The following SPATA13 variants were observed in gnomAD, a reference collection of about 807,000 sequenced individuals.
The protein encoded by SPATA13 is spermatogenesis associated 13.
In SPATA13, 50 loss-of-function variants were observed where a neutral mutation model predicts 104.0. That is an observed-to-expected ratio of 0.48 (90% CI 0.38 to 0.61). The LOEUF is 0.61. SPATA13 is among the 20% of genes least tolerant of loss of function. SPATA13 has a pLI of 0.00. For synonymous variants in SPATA13, 606 were observed against 667.5 expected (o/e 0.91, Z 1.42); for missense variants, 1,524 against 1,690.6 (o/e 0.90, Z 1.73).
chr13:24,092,199 T>A (rs1473901161), intron 3 of SPATA13, among the ~76,000 whole-genome samples: 2 of 152,232 alleles, frequency 1.3e-5, no homozygotes, highest in Non-Finnish European at 2.9e-5. Flanking sequence ...TCTCCAATGT[T>A]GATCTTTTAA....
intron 3 of SPATA13, among the ~76,000 whole-genome samples, chr13:24,140,089 C>T (rs1311779715): frequency 6.6e-6 from 1 of 150,632 alleles, no homozygotes; most frequent in African/African-American, 2.5e-5. Flanking sequence ...AAAAAAAAGT[C>T]TGTAACATGC....
At chr13:24,038,963 T>C (rs1877817644) in intron 3 of SPATA13, among the ~76,000 whole-genome samples, 1 of 152,210 alleles carries the variant, frequency 6.6e-6, no homozygotes, top group Non-Finnish European at 1.5e-5. Flanking sequence ...CAGGCAGCCC[T>C]GTGACACAGG....
intron 1 of SPATA13, among the ~76,000 whole-genome samples, chr13:24,203,069 C>T (rs1464889860): frequency 6.6e-6 from 1 of 152,050 alleles, no homozygotes; most frequent in Non-Finnish European, 1.5e-5. Flanking sequence ...TGCAGATCAT[C>T]CCATCCCTAG....
intron 3 of SPATA13, chr13:24,123,350 G>A (rs1352422122): frequency 6.8e-6 from 9 of 1,320,424 alleles, no homozygotes; most frequent in Non-Finnish European, 1.1e-6. Flanking sequence ...TCACTTCACA[G>A]AAATAGTGAA....
intron 3 of SPATA13, among the ~76,000 whole-genome samples, chr13:24,027,641 T>C (rs1396304686): frequency 3.3e-5 from 5 of 152,264 alleles, no homozygotes; most frequent in East Asian, 1.9e-4. Context: ...AGTTCATTAA[T>C]GTTCAGTTCT....
chr13:24,281,235 A>C (rs777270493), intron 4 of SPATA13, among the ~76,000 whole-genome samples: 4 of 151,300 alleles, frequency 2.6e-5, no homozygotes, highest in Non-Finnish European at 5.9e-5. Context: ...CCGGGAATTT[A>C]CTCCTCCCCC....
At chr13:24,037,402 C>G (rs9580832) in intron 3 of SPATA13, among the ~76,000 whole-genome samples, 52 of 5,032 alleles carry the variant, frequency 0.01, no homozygotes, top group African/African-American at 0.033. Flanking sequence ...TCGACTAATA[C>G]TTTATTTATT....
At chr13:24,210,126 CTTTG>C (rs1009812174) in intron 1 of SPATA13, among the ~76,000 whole-genome samples, 2 of 151,970 alleles carry the variant, frequency 1.3e-5, no homozygotes, top group Non-Finnish European at 2.9e-5. Context: ...TTATTGAGGG[CTTTG>C]TTTGTTTTTG....
chr13:24,255,870 T>G (rs990324358), intron 4 of SPATA13, among the ~76,000 whole-genome samples: 2 of 152,238 alleles, frequency 1.3e-5, no homozygotes, highest in Non-Finnish European at 2.9e-5. Flanking sequence ...AGCATCATTT[T>G]GAGACACGTT....
intron 3 of SPATA13, chr13:24,122,949 G>A (rs558864081): frequency 5.2e-5 from 41 of 781,276 alleles, no homozygotes; most frequent in African/African-American, 2.0e-4. Flanking sequence ...ACTAAGAAGC[G>A]TGTCAGGTGT....
At chr13:24,041,165 C>A (rs1877912567) in intron 3 of SPATA13, among the ~76,000 whole-genome samples, 1 of 152,194 alleles carries the variant, frequency 6.6e-6, no homozygotes, top group Non-Finnish European at 1.5e-5. Context: ...CTTGATTCAA[C>A]CCACAGTAGC....
upstream of SPATA13, among the ~76,000 whole-genome samples, chr13:24,159,042 AT>A (rs1566125340): frequency 6.6e-6 from 1 of 152,168 alleles, no homozygotes; most frequent in Non-Finnish European, 1.5e-5. Context: ...TTGAAACACA[AT>A]TTTTTTAAAA....
intron 3 of SPATA13, chr13:24,017,789 G>GCA: frequency 9.3e-6 from 7 of 750,324 alleles, no homozygotes; most frequent in African/African-American, 1.9e-5. Flanking sequence ...TGTATAATCT[G>GCA]TATGTTAACT....
chr13:24,017,230 C>T (rs1021926575), intron 2 of SPATA13, among the ~76,000 whole-genome samples: 3 of 152,220 alleles, frequency 2.0e-5, no homozygotes, highest in Non-Finnish European at 2.9e-5. Context: ...TGCTCTGAGA[C>T]GATAACTCAG....
chr13:24,070,764 A>G (rs1048397917), intron 3 of SPATA13, among the ~76,000 whole-genome samples: 9 of 152,214 alleles, frequency 5.9e-5, no homozygotes, highest in African/African-American at 2.2e-4. Flanking sequence ...CCCTCCCCCA[A>G]GTAATGAAGA....
At chr13:24,046,580 A>T in intron 3 of SPATA13, among the ~76,000 whole-genome samples, 1 of 129,854 alleles carries the variant, frequency 7.7e-6, no homozygotes, top group Non-Finnish European at 1.7e-5. Context: ...TTCACTCAAT[A>T]TGTTTGCAAG....
intron 1 of SPATA13, among the ~76,000 whole-genome samples, chr13:24,185,045 T>A (rs1378688579): frequency 1.3e-5 from 2 of 152,162 alleles, no homozygotes; most frequent in Non-Finnish European, 2.9e-5. Context: ...TCGAGCATTG[T>A]GTTTTGCTTC....
intron 3 of SPATA13, among the ~76,000 whole-genome samples, chr13:24,116,156 G>A (rs1880829420): frequency 6.6e-6 from 1 of 152,204 alleles, no homozygotes; most frequent in Non-Finnish European, 1.5e-5. Context: ...ATTTCCCACA[G>A]TTCTGTAGGC....
At chr13:24,081,294 G>A (rs1593316987) in intron 3 of SPATA13, among the ~76,000 whole-genome samples, 1 of 152,140 alleles carries the variant, frequency 6.6e-6, no homozygotes, top group African/African-American at 2.4e-5. Context: ...AAGTTCACCG[G>A]TAATCTATAT....
Sources: gnomAD v4.1 joint callset for allele counts (sites outside exome capture counted in the v4.1 genomes callset) on GRCh38, gnomAD v4.1.1 for gene constraint, MANE v1.5 for transcripts, NCBI Gene and HGNC (gene_info 2026-07-23, HGNC 2026-07-21) for gene names.